MEGF11: variants seen among roughly 807,000 people sequenced by gnomAD.
The protein encoded by MEGF11 is multiple EGF like domains 11.
In MEGF11, 126 loss-of-function variants were observed where a neutral mutation model predicts 146.6. The ratio of observed to expected loss-of-function variants is 0.86; its 90% confidence interval spans 0.74 to 1.00. MEGF11 has a LOEUF of 1.00. Ranked by LOEUF, MEGF11 falls within the 50% of genes least tolerant of loss-of-function variation. The probability of loss-of-function intolerance (pLI) is 0.00; values close to 1 mark genes in which losing one functional copy is unlikely to be tolerated. For synonymous variants in MEGF11, 532 were observed against 583.4 expected (o/e 0.91, Z 1.27); for missense variants, 1,509 against 1,521.2 (o/e 0.99, Z 0.13).
intron 4 of MEGF11, among the ~76,000 whole-genome samples, chr15:66,100,078 T>TG (rs36017117): frequency 0.12 from 18,600 of 152,122 alleles, 1,480 homozygotes; most frequent in East Asian, 0.22. Context: ...GGTTGCGCTT[T>TG]GGGGGGGAAA....
At position 65,917,940 on chromosome 15, in the gene MEGF11, G is replaced by A. The variant is rs775463135; in HGVS notation, c.2086+26C>T. On this transcript the variant is annotated intron_variant, in intron 16 of 25. Transcript: ENST00000395614. ...ATTTTTGGGCCTGACCCCAGGTAGG[G>A]GCATTCCCAGGTGGCAGCAGCTTAC... 3.1e-6 allele frequency: 5 copies of A among 1,613,758 alleles called. No individual in the cohort carries two copies. In the South Asian group the frequency reaches 3.3e-5, roughly 11 times the overall value.
intron 10 of MEGF11, among the ~76,000 whole-genome samples, chr15:65,940,696 A>G (rs1162133540): frequency 6.6e-6 from 1 of 152,230 alleles, no homozygotes; most frequent in Non-Finnish European, 1.5e-5. Context: ...GCCACTTGTC[A>G]TATCCATCCC....
At chr15:66,003,558 T>A (rs192000753) in intron 5 of MEGF11, among the ~76,000 whole-genome samples, 8 of 152,214 alleles carry the variant, frequency 5.3e-5, no homozygotes, top group Admixed American at 5.2e-4. Flanking sequence ...AGAGCAGCCG[T>A]GGTGGCCACA....
In MEGF11 at chr15:66,128,237, C is replaced by T. The variant is rs1780173776; in HGVS notation, c.98+69G>A. 4 of 1,056,512 alleles carry T rather than the reference C, an allele frequency of 3.8e-6. No homozygotes were observed. The South Asian group carries it at 8.7e-5, about 23-fold the overall frequency. The allele number at this position is 1,056,512 out of a possible 1,614,324, so 65.4% of individuals were successfully genotyped here. ...CAGCTCCTGGATCTCCTGACTGCCTCTGTCCCCTACTGCCATGCCCAGGGC... is the reference window on the plus strand; with the variant it reads ...CAGCTCCTGGATCTCCTGACTGCCTTTGTCCCCTACTGCCATGCCCAGGGC... On this transcript the variant is annotated intron_variant, in intron 2 of 25. Transcript: ENST00000395614.
chr15:66,034,152 C>T (rs956887707), intron 5 of MEGF11, among the ~76,000 whole-genome samples: 1 of 152,156 alleles, frequency 6.6e-6, no homozygotes, highest in African/African-American at 2.4e-5. Flanking sequence ...AAGTGTCTGT[C>T]CTATACCTGT....
In MEGF11 at chr15:65,912,857, A is replaced by T. The variant is rs150203691; in HGVS notation, c.2711-657T>A. 5.9e-5 allele frequency among the ~76,000 whole-genome samples: 9 copies of T among 152,324 alleles called. No homozygotes were observed. The East Asian group carries it at 1.7e-3, about 29-fold the overall frequency. ...CATACAGAAGGCAACACTTAGCAGG[A>T]ATGGGCTGAAGTGATCTGGGTTTTC... On this transcript the variant is annotated intron_variant, in intron 20 of 25. Transcript: ENST00000395614.
chr15:66,182,283 T>G (rs1011232895), intron 1 of MEGF11, among the ~76,000 whole-genome samples: 11 of 152,176 alleles, frequency 7.2e-5, no homozygotes, highest in Non-Finnish European at 2.9e-5. Context: ...TTCCTGCCAC[T>G]TGTAGGTGCC....
At chr15:65,907,970 T>C (rs1417703164) in intron 23 of MEGF11, among the ~76,000 whole-genome samples, 1 of 152,226 alleles carries the variant, frequency 6.6e-6, no homozygotes, top group Non-Finnish European at 1.5e-5. Context: ...AAATCTGGCC[T>C]AGTTCAGAGG....
intron 5 of MEGF11, among the ~76,000 whole-genome samples, chr15:66,069,068 C>A (rs1423075900): frequency 6.6e-6 from 1 of 152,270 alleles, no homozygotes; most frequent in Non-Finnish European, 1.5e-5. Flanking sequence ...TACCCTCTCT[C>A]AGCCTCAGCT....
chr15:65,959,754 TTATATA>T, intron 9 of MEGF11, among the ~76,000 whole-genome samples: 1 of 152,264 alleles, frequency 6.6e-6, no homozygotes, highest in South Asian at 2.1e-4. Context: ...ACCAGGCACG[TTATATA>T]TATATTTCTA....
At chr15:66,231,644 C>A (rs779478983) in intron 1 of MEGF11, among the ~76,000 whole-genome samples, 1 of 152,188 alleles carries the variant, frequency 6.6e-6, no homozygotes, top group Non-Finnish European at 1.5e-5. Flanking sequence ...GCTTGCTAAT[C>A]CTCATCCCTG....
At chr15:66,212,407 G>A (rs901708354) in intron 1 of MEGF11, among the ~76,000 whole-genome samples, 1 of 152,096 alleles carries the variant, frequency 6.6e-6, no homozygotes, top group African/African-American at 2.4e-5. Flanking sequence ...GCATCGTGGG[G>A]GGACTGGCTG....
intron 5 of MEGF11, among the ~76,000 whole-genome samples, chr15:66,080,049 G>T (rs1174395707): frequency 1.3e-5 from 2 of 152,198 alleles, no homozygotes; most frequent in South Asian, 4.1e-4. Flanking sequence ...ATCTCAAAGA[G>T]AAGGAGACAG....
At chr15:66,178,214 G>A (rs934294496) in intron 1 of MEGF11, among the ~76,000 whole-genome samples, 4 of 152,092 alleles carry the variant, frequency 2.6e-5, no homozygotes, top group Admixed American at 2.0e-4. Context: ...TTGAACTCCT[G>A]GGCTCAAGCG....
At chr15:66,046,824 T>G (rs2084224141) in intron 5 of MEGF11, among the ~76,000 whole-genome samples, 1 of 152,112 alleles carries the variant, frequency 6.6e-6, no homozygotes, top group Non-Finnish European at 1.5e-5. Context: ...CCTTATCATA[T>G]TTTTCCCTCC....
At chr15:66,213,224 C>T (rs1260179632) in intron 1 of MEGF11, among the ~76,000 whole-genome samples, 2 of 152,134 alleles carry the variant, frequency 1.3e-5, no homozygotes, top group East Asian at 3.8e-4. Context: ...CAACTAGATA[C>T]TTCAGATCAT....
intron 4 of MEGF11, among the ~76,000 whole-genome samples, chr15:66,110,073 A>G (rs543990522): frequency 6.6e-6 from 1 of 152,252 alleles, no homozygotes; most frequent in Admixed American, 6.5e-5. Context: ...GAGTACTTGT[A>G]CCAACCACCG....
chr15:66,172,234 G>A (rs1339170669), intron 1 of MEGF11, among the ~76,000 whole-genome samples: 1 of 152,186 alleles, frequency 6.6e-6, no homozygotes, highest in Non-Finnish European at 1.5e-5. Context: ...TTGCAAGAGT[G>A]GAGACCCAAG....
chr15:66,035,680 C>T (rs530460209), intron 5 of MEGF11, among the ~76,000 whole-genome samples: 36 of 152,276 alleles, frequency 2.4e-4, no homozygotes, highest in Admixed American at 6.5e-4. Context: ...CACCCATGTA[C>T]CCACTACTTA....
Sources: allele counts gnomAD v4.1 joint callset (sites outside exome capture counted in the v4.1 genomes callset), GRCh38; gene constraint gnomAD v4.1.1; transcripts MANE v1.5; gene names NCBI Gene and HGNC (gene_info 2026-07-23, HGNC 2026-07-21).